The following DCT variants were observed in gnomAD, a reference collection of about 807,000 sequenced individuals.
DCT encodes dopachrome tautomerase.
Under a neutral mutation model 53.0 loss-of-function variants are expected in DCT, and 47 were observed. The observed-to-expected ratio is 0.89, with a 90% confidence interval of 0.70 to 1.13. The LOEUF (loss-of-function observed/expected upper bound fraction) is 1.13, where lower values mean the gene tolerates loss of function less well. Ranked by LOEUF, DCT falls within the 50% of genes most tolerant of loss-of-function variation. The pLI is 0.00. For synonymous variants in DCT, 244 were observed against 237.0 expected, an observed-to-expected ratio of 1.03 and a Z score of -0.27; for missense variants, 669 against 637.4, an observed-to-expected ratio of 1.05 and a Z score of -0.53.
At chr13:94,497,265 C>A in the DCT span, among the ~76,000 whole-genome samples, 1 of 152,158 alleles carries the variant, frequency 6.6e-6, no homozygotes, top group African/African-American at 2.4e-5. Context: ...CAGACTTGAA[C>A]GGTAACCCTT....
the DCT span, among the ~76,000 whole-genome samples, chr13:94,528,328 A>C: frequency 6.6e-6 from 1 of 152,140 alleles, no homozygotes; most frequent in Non-Finnish European, 1.5e-5. Flanking sequence ...ACCCCAAGAC[A>C]CATAATTGTC....
At chr13:94,523,056 T>G in the DCT span, among the ~76,000 whole-genome samples, 1 of 152,176 alleles carries the variant, frequency 6.6e-6, no homozygotes, top group Non-Finnish European at 1.5e-5. Flanking sequence ...ATGTAGCCAG[T>G]AGAAGGGGGC....
the DCT span, among the ~76,000 whole-genome samples, chr13:94,485,336 A>T: frequency 6.6e-6 from 1 of 152,164 alleles, no homozygotes; most frequent in Non-Finnish European, 1.5e-5. Context: ...GACTCCGAGC[A>T]TCATCAGTGT....
the DCT span, among the ~76,000 whole-genome samples, chr13:94,503,895 C>T: frequency 6.6e-6 from 1 of 152,188 alleles, no homozygotes; most frequent in South Asian, 2.1e-4. Flanking sequence ...GGGGTCCTGG[C>T]TTTCATAACT....
At chr13:94,531,438 CAG>C in the DCT span, among the ~76,000 whole-genome samples, 2 of 152,142 alleles carry the variant, frequency 1.3e-5, no homozygotes, top group African/African-American at 2.4e-5. Flanking sequence ...GGTACCAAAA[CAG>C]ATATATACAC....
chr13:94,470,972 A>G (rs61964072), intron 1 of DCT, among the ~76,000 whole-genome samples: 22,011 of 152,298 alleles, frequency 0.14, 1,928 homozygotes, highest in Non-Finnish European at 0.2. Flanking sequence ...AGTATCGAGC[A>G]TGTAGCAGAT....
At chr13:94,527,625 T>A in the DCT span, among the ~76,000 whole-genome samples, 1 of 152,170 alleles carries the variant, frequency 6.6e-6, no homozygotes, top group South Asian at 2.1e-4. Context: ...CAAAACCCCA[T>A]CTGTAGGTTA....
the DCT span, among the ~76,000 whole-genome samples, chr13:94,529,172 C>T: frequency 3.9e-5 from 6 of 152,262 alleles, no homozygotes; most frequent in African/African-American, 1.4e-4. Flanking sequence ...GAGACTTAGA[C>T]TCCCATACAA....
intron 6 of DCT, among the ~76,000 whole-genome samples, chr13:94,455,968 T>C (rs925205020): frequency 6.6e-6 from 1 of 152,210 alleles, no homozygotes; most frequent in Non-Finnish European, 1.5e-5. Flanking sequence ...ATAGTATAAA[T>C]AGATGTACAG....
At position 94,479,373 on chromosome 13, in the gene DCT, TTTCTA is replaced by T. The variant is rs1392431883; in HGVS notation, c.-123_-119del. The stretch of plus-strand genomic sequence containing the variant: ...TTCAGTATTTTTTATTTTTCTTTGC[TTTCTA>T]TTCCTTTCTTCTTAAAAAAATACCC... On this transcript the variant is annotated 5_prime_UTR_variant, in exon 1 of 8. It removes the in-frame stop codon of an upstream open reading frame in the 5' UTR. Coordinates refer to ENST00000377028, the MANE Select transcript of DCT (RefSeq NM_001922.5). The T allele has an allele frequency of 5.3e-6, 5 of 948,204 alleles. No individual in the cohort carries two copies. In the African/African-American group the frequency reaches 8.3e-5, roughly 16 times the overall value. 58.7% of individuals were successfully genotyped at this position (948,204 alleles called of 1,614,324 possible).
chr13:94,514,788 T>C, the DCT span, among the ~76,000 whole-genome samples: 1 of 152,190 alleles, frequency 6.6e-6, no homozygotes, highest in Non-Finnish European at 1.5e-5. Context: ...CAAATTAGAC[T>C]GCAGACAGTG....
At chr13:94,490,541 A>C in the DCT span, among the ~76,000 whole-genome samples, 1 of 146,874 alleles carries the variant, frequency 6.8e-6, no homozygotes, top group East Asian at 2.0e-4. Flanking sequence ...ACAACTAACC[A>C]TGGTGTCTGT....
At chr13:94,540,601 A>G in the DCT span, among the ~76,000 whole-genome samples, 5 of 152,210 alleles carry the variant, frequency 3.3e-5, no homozygotes, top group African/African-American at 7.2e-5. Flanking sequence ...TCAAAACCCA[A>G]TGAGATATTA....
chr13:94,530,294 T>A, the DCT span, among the ~76,000 whole-genome samples: 2 of 152,182 alleles, frequency 1.3e-5, no homozygotes, highest in South Asian at 4.1e-4. Flanking sequence ...CTTATGAGGC[T>A]AGCGTCATCC....
chr13:94,475,979 G>C (rs566895541), intron 1 of DCT, among the ~76,000 whole-genome samples: 19 of 152,268 alleles, frequency 1.2e-4, no homozygotes, highest in African/African-American at 3.1e-4. Context: ...CAGATCACGG[G>C]GGGAGGTGAG....
chr13:94,509,256 G>A, the DCT span, among the ~76,000 whole-genome samples: 2 of 152,202 alleles, frequency 1.3e-5, no homozygotes, highest in African/African-American at 4.8e-5. Flanking sequence ...CTGTAAGTGG[G>A]AGGCCATGCA....
At chr13:94,474,664 T>G (rs1156741661) in intron 1 of DCT, among the ~76,000 whole-genome samples, 1 of 152,240 alleles carries the variant, frequency 6.6e-6, no homozygotes, top group African/African-American at 2.4e-5. Context: ...GTAAGCCTTA[T>G]AAGGTGAATA....
Position 94,439,860 on chromosome 13 carries a change from C to A in DCT, c.*38G>T. The A allele has an allele frequency of 6.5e-7, 1 of 1,543,512 alleles. No individual in the cohort carries two copies. Among genetic ancestry groups the A allele is most frequent in the Non-Finnish European group, 8.8e-7 (1 of 1,133,276 alleles). On this transcript the variant is annotated 3_prime_UTR_variant, in exon 8 of 8. Coordinates refer to ENST00000377028, the MANE Select transcript of DCT (RefSeq NM_001922.5). ...TTTATTGTCAGCGTCAGAACTGTGG[C>A]TTGGCCAGCCTCTTCTCTTAGGTAA...
At chr13:94,442,402 G>A (rs908862531) in intron 7 of DCT, among the ~76,000 whole-genome samples, 1 of 152,074 alleles carries the variant, frequency 6.6e-6, no homozygotes, top group Admixed American at 6.6e-5. Context: ...TACATCCTGG[G>A]CTCAAGCGAT....
Sources: allele counts gnomAD v4.1 joint callset (sites outside exome capture counted in the v4.1 genomes callset), GRCh38; gene constraint gnomAD v4.1.1; transcripts MANE v1.5; gene names NCBI Gene and HGNC (gene_info 2026-07-23, HGNC 2026-07-21).